ART1: variants seen among roughly 807,000 people sequenced by gnomAD.
ART1 encodes the protein GPI-linked NAD(P)(+)--arginine ADP-ribosyltransferase 1.
A neutral mutation model predicts 27.0 loss-of-function variants in ART1; 29 were observed. The observed-to-expected ratio is 1.08, with a 90% CI of 0.80 to 1.47. The LOEUF (loss-of-function observed/expected upper bound fraction) is 1.47. Ranked by LOEUF, ART1 falls within the 40% of genes most tolerant of loss-of-function variation. The probability of loss-of-function intolerance (pLI) is 0.00; values close to 1 mark genes in which losing one functional copy is unlikely to be tolerated. For synonymous variants in ART1, 201 were observed against 172.2 expected, an observed-to-expected ratio of 1.17 and a Z score of -1.31; for missense variants, 480 against 423.0, an observed-to-expected ratio of 1.13 and a Z score of -1.18.
intron 4 of ART1, 82 bp from the exon 5 acceptor site, chr11:3,664,010 T>A (rs1452907660): frequency 7.6e-7 from 1 of 1,315,796 alleles, no homozygotes; most frequent in Non-Finnish European, 1.1e-6. Flanking sequence ...TATCTGCATG[T>A]CCCCACTTTT....
chr11:3,660,073 G>A lies in ART1; in HGVS notation c.554G>A (p.Arg185His), dbSNP rs542871399. The A allele has an allele frequency of 2.6e-5, 42 of 1,613,580 alleles. 1 individual carries two copies. The South Asian group carries it at 3.1e-4, about 12-fold the overall frequency. Residue 185 changes from arginine to histidine, a missense_variant, in exon 3 of 5, where the codon CGC (arginine) becomes CAC (histidine). Arg to His is a conservative substitution (Grantham distance 29). Transcript: ENST00000250693. ...HQVFRGVHGL[R>H]FRPAGPRATV... The stretch of plus-strand genomic sequence containing the variant: ...GTGTTCCGAGGTGTGCACGGCCTGC[G>A]CTTCCGGCCAGCAGGGCCCCGGGCC...
chr11:3,660,239 G>T lies in ART1; in HGVS notation c.720G>T (p.Glu240Asp), dbSNP rs763239595. ...ACTCCTTCTTCCCTGGAGAGGAAGAGGTGCTGATCCCCCCCTTTGAGACCT... is the reference window on the plus strand; with the variant it reads ...ACTCCTTCTTCCCTGGAGAGGAAGATGTGCTGATCCCCCCCTTTGAGACCT... ...KGYSFFPGEE[E>D]VLIPPFETFQ... Residue 240 changes from glutamate to aspartate, a missense_variant, in exon 3 of 5, where the codon GAG (glutamate) becomes GAT (aspartate). Coordinates refer to ENST00000250693, the MANE Select transcript of ART1 (RefSeq NM_004314.3). 5 of 1,613,874 alleles carry T rather than the reference G, an allele frequency of 3.1e-6. No homozygotes were observed. The African/African-American group carries it at 6.7e-5, about 22-fold the overall frequency.
At chr11:3,645,676 G>A (rs2077465632) in intron 1 of ART1, among the ~76,000 whole-genome samples, 2 of 152,156 alleles carry the variant, frequency 1.3e-5, no homozygotes, top group Admixed American at 1.3e-4. Context: ...CCTGGCCTTG[G>A]CATACATGGT....
intron 4 of ART1, among the ~76,000 whole-genome samples, chr11:3,662,578 C>T (rs2133966760): frequency 6.6e-6 from 1 of 152,366 alleles, no homozygotes; most frequent in South Asian, 2.1e-4. Flanking sequence ...GGTGTGGTGG[C>T]TCACGCCTGT....
intron 1 of ART1, among the ~76,000 whole-genome samples, chr11:3,649,373 C>T (rs1460467524): frequency 7.2e-5 from 11 of 152,176 alleles, no homozygotes; most frequent in East Asian, 3.9e-4. Flanking sequence ...TAATTCTTGT[C>T]GTAAAATGGA....
chr11:3,648,000 A>G (rs1420033681), intron 1 of ART1, among the ~76,000 whole-genome samples: 1 of 152,150 alleles, frequency 6.6e-6, no homozygotes, highest in Non-Finnish European at 1.5e-5. Flanking sequence ...TGACCTGCAC[A>G]AACACATCCA....
intron 1 of ART1, among the ~76,000 whole-genome samples, chr11:3,651,160 T>C (rs111618452): frequency 0.11 from 15,984 of 147,782 alleles, 1,000 homozygotes; most frequent in African/African-American, 0.15. Context: ...TTCCTCCCTC[T>C]ACAACCCATT....
In ART1 at chr11:3,653,257, T is replaced by C. The variant is rs187813983; in HGVS notation, c.-52-5905T>C. On this transcript the variant is annotated intron_variant, in intron 1 of 4. Transcript: ENST00000250693. ...AGGCCTCTGAGCCGAAGCTAAGCCA[T>C]CATGTCCCCTGTGACCTGCACATAC... Among the ~76,000 whole-genome samples the C allele has an allele frequency of 5.7e-3, 845 of 148,782 alleles. 78 individuals are homozygous for C. Among genetic ancestry groups the C allele is most frequent in the African/African-American group, 0.019 (738 of 38,614 alleles).
chr11:3,664,051 C>T (rs375470433), intron 4 of ART1, 41 bp from the exon 5 acceptor site: 91 of 1,554,640 alleles, frequency 5.9e-5, no homozygotes, highest in Middle Eastern at 1.7e-4. Flanking sequence ...CTCTTTTTTT[C>T]TCTCTCTCTC....
At chr11:3,663,141 C>T (rs910554411) in intron 4 of ART1, among the ~76,000 whole-genome samples, 1 of 147,298 alleles carries the variant, frequency 6.8e-6, no homozygotes, top group African/African-American at 2.5e-5. Context: ...CATCTCATCT[C>T]ATCATCATCT....
At position 3,653,346 on chromosome 11, in the gene ART1, C is replaced by T. The variant is rs890903567; in HGVS notation, c.-52-5816C>T. The stretch of plus-strand genomic sequence containing the variant: ...TCCACCACAAAAGAAGTGAAAATGG[C>T]CGGTTCCTGCCTTAACTGATGACAT... On this transcript the variant is annotated intron_variant, in intron 1 of 4. Coordinates refer to ENST00000250693, the MANE Select transcript of ART1 (RefSeq NM_004314.3). 9.4e-5 allele frequency among the ~76,000 whole-genome samples: 14 copies of T among 148,426 alleles called. No homozygotes were observed. In the East Asian group the frequency reaches 1.8e-3, roughly 19 times the overall value.
intron 4 of ART1, 75 bp downstream of exon 4, chr11:3,661,488 A>ATTTTTT: frequency 8.2e-6 from 3 of 365,740 alleles, no homozygotes; most frequent in Admixed American, 8.4e-5. Flanking sequence ...CATCACCTCG[A>ATTTTTT]TCTTTTTTTT....
intron 1 of ART1, chr11:3,655,614 G>A (rs1033745675): frequency 6.6e-6 from 1 of 152,226 alleles, no homozygotes; most frequent in Non-Finnish European, 1.5e-5. Context: ...TGGACTCGAA[G>A]ACAGTCTCCG....
intron 1 of ART1, among the ~76,000 whole-genome samples, chr11:3,648,264 A>G (rs1233005178): frequency 6.6e-6 from 1 of 152,160 alleles, no homozygotes; most frequent in Non-Finnish European, 1.5e-5. Context: ...TTTATTGCTC[A>G]CACAAAGCCT....
rs1589924112 is a variant in ART1, at chr11:3,659,500, C to T, written c.64-83C>T. 8 of 1,477,394 alleles carry T rather than the reference C, an allele frequency of 5.4e-6. No individual in the cohort carries two copies. The East Asian group carries it at 1.6e-4, about 30-fold the overall frequency. The allele number at this position is 1,477,394 out of a possible 1,614,324, so 91.5% of individuals were successfully genotyped here. A position where few individuals can be genotyped will look rare whatever the true frequency, so the allele number is the denominator to read the frequency against. ...TGTTTGGGGCCCTTCCTGCCTTTCT[C>T]AGTGGAGGGGAGAGCTGGATGGCAG... On this transcript the variant is annotated intron_variant, in intron 2 of 4. Coordinates refer to ENST00000250693, the MANE Select transcript of ART1 (RefSeq NM_004314.3).
intron 1 of ART1, among the ~76,000 whole-genome samples, chr11:3,650,340 C>T (rs2077510120): frequency 6.6e-6 from 1 of 152,228 alleles, no homozygotes; most frequent in Non-Finnish European, 1.5e-5. Flanking sequence ...ACTCCCAGAG[C>T]CCCTGGAACT....
At chr11:3,651,739 C>G (rs945446590) in intron 1 of ART1, among the ~76,000 whole-genome samples, 28 of 151,920 alleles carry the variant, frequency 1.8e-4, no homozygotes, top group African/African-American at 6.3e-4. Flanking sequence ...TGTACTCACT[C>G]TATGTTAAGT....
chr11:3,648,588 C>T (rs2077488596), intron 1 of ART1, among the ~76,000 whole-genome samples: 1 of 152,182 alleles, frequency 6.6e-6, no homozygotes. Context: ...CTGGTAGAGA[C>T]AAAGGAGACA....
intron 1 of ART1, chr11:3,655,690 C>G (rs147233911): frequency 6.6e-6 from 1 of 152,352 alleles, no homozygotes; most frequent in African/African-American, 2.4e-5. Context: ...CATAGATCAA[C>G]TCGCAGGAAG....
Sources: gnomAD v4.1 joint callset for allele counts (sites outside exome capture counted in the v4.1 genomes callset) on GRCh38, gnomAD v4.1.1 for gene constraint, MANE v1.5 for transcripts, NCBI Gene and HGNC (gene_info 2026-07-23, HGNC 2026-07-21) for gene names.